The following WNT7B variants were observed in gnomAD, a reference collection of about 807,000 sequenced individuals.
WNT7B encodes Wnt family member 7B.
WNT7B carries 19 observed loss-of-function variants against 38.2 expected under a neutral mutation model. The ratio of observed to expected loss-of-function variants is 0.50; its 90% CI spans 0.35 to 0.73. The LOEUF (loss-of-function observed/expected upper bound fraction) is 0.73. Among genes scored for constraint, WNT7B ranks in the 30% least tolerant of loss-of-function variants. The pLI is 0.01. For synonymous variants in WNT7B, 243 were observed against 209.3 expected (o/e 1.16, Z -1.39); for missense variants, 423 against 507.9 (o/e 0.83, Z 1.61).
At chr22:45,938,892 A>G (rs1038341293) in intron 2 of WNT7B, among the ~76,000 whole-genome samples, 1 of 152,222 alleles carries the variant, frequency 6.6e-6, no homozygotes, top group Non-Finnish European at 1.5e-5. Context: ...AATATGTGTA[A>G]TATTACGTAT....
rs1218859782 is a variant in WNT7B, at chr22:45,976,520, T to C, written c.71+164A>G. Reference sequence around the variant, plus strand: ...CGGGAGCTCAGGGGGTTGGGCTGCGTCTCTGCTGGCGTGGGGCGAGGGTCT... The same window carrying C: ...CGGGAGCTCAGGGGGTTGGGCTGCGCCTCTGCTGGCGTGGGGCGAGGGTCT... On this transcript the variant is annotated intron_variant, in intron 1 of 3. Transcript: ENST00000339464. This position sits in a 1 kb window ranked among gnomAD's most constrained non-coding sequence, Gnocchi z 8.5. Among the ~76,000 whole-genome samples the C allele has an allele frequency of 2.0e-5, 3 of 151,566 alleles. No individual in the cohort carries two copies. Among genetic ancestry groups the C allele is most frequent in the Non-Finnish European group, 4.4e-5 (3 of 67,848 alleles).
intron 3 of WNT7B, chr22:45,926,105 C>G (rs375046373): frequency 1.0e-6 from 1 of 985,446 alleles, no homozygotes; most frequent in African/African-American, 1.7e-5. Context: ...CCTACTGGGC[C>G]GCTGCTTGCA....
At chr22:45,930,791 G>A (rs66505729) in intron 3 of WNT7B, among the ~76,000 whole-genome samples, 2 of 151,986 alleles carry the variant, frequency 1.3e-5, no homozygotes, top group Non-Finnish European at 1.5e-5. Context: ...GGGACCCTCC[G>A]CCACGGGGTC....
In WNT7B at chr22:45,976,865, G is replaced by A; in HGVS notation, c.-111C>T. 4 of 1,050,640 alleles carry A rather than the reference G, an allele frequency of 3.8e-6. No individual in the cohort carries two copies. The highest frequency in any genetic ancestry group is 4.6e-6 in the Non-Finnish European group (4 of 865,766). 65.1% of individuals were successfully genotyped at this position (1,050,640 alleles called of 1,614,324 possible). A position where few individuals can be genotyped will look rare whatever the true frequency, so the allele number is the denominator to read the frequency against. ...TGCGGGCAGACTGCGCTCAGCCCGC[G>A]CTGCGGCTCGGGCGGCCGGCGACGC... On this transcript the variant is annotated 5_prime_UTR_variant, in exon 1 of 4. Transcript: ENST00000339464. The surrounding 1 kb of genome is among the most constrained non-coding windows in gnomAD (Gnocchi z 8.5).
intron 2 of WNT7B, among the ~76,000 whole-genome samples, chr22:45,948,124 C>T (rs28635594): frequency 0.015 from 2,283 of 152,336 alleles, 67 homozygotes; most frequent in African/African-American, 0.053. Context: ...ACCTGATCGA[C>T]GCTCAGCTCC....
chr22:45,930,009 C>T (rs1416504491), intron 3 of WNT7B, among the ~76,000 whole-genome samples: 1 of 114,548 alleles, frequency 8.7e-6, no homozygotes, highest in Non-Finnish European at 1.8e-5. Flanking sequence ...TGCATGATAA[C>T]CTCCACATCT....
intron 2 of WNT7B, among the ~76,000 whole-genome samples, chr22:45,941,580 T>TG (rs1157459206): frequency 7.0e-6 from 1 of 142,290 alleles, no homozygotes; most frequent in Non-Finnish European, 1.5e-5. Flanking sequence ...GGGCAGCTGG[T>TG]GGGGGGCTGT....
chr22:45,950,516 G>A (rs947898521), intron 1 of WNT7B, among the ~76,000 whole-genome samples: 1 of 152,234 alleles, frequency 6.6e-6, no homozygotes, highest in East Asian at 1.9e-4. Context: ...ACTCGGGACT[G>A]TCTGCGCTGT....
chr22:45,950,799 C>G (rs1391859842), intron 1 of WNT7B, among the ~76,000 whole-genome samples: 1 of 152,356 alleles, frequency 6.6e-6, no homozygotes, highest in Admixed American at 6.5e-5. Flanking sequence ...GGAGAAAGCC[C>G]GCACCGGGAA....
At chr22:45,970,194 G>A (rs923232185) in intron 1 of WNT7B, among the ~76,000 whole-genome samples, 3 of 152,196 alleles carry the variant, frequency 2.0e-5, no homozygotes, top group Admixed American at 6.5e-5. Context: ...TCCTCCCTGT[G>A]GGGCAGGAGC....
chr22:45,970,655 C>T (rs1038806376), intron 1 of WNT7B, among the ~76,000 whole-genome samples: 8 of 152,226 alleles, frequency 5.3e-5, no homozygotes, highest in South Asian at 2.1e-4. Flanking sequence ...TCCCAAGCAC[C>T]GGAGCTGCCA....
chr22:45,943,116 T>C lies in WNT7B; in HGVS notation c.298+6804A>G, dbSNP rs1309400025. 5.3e-5 allele frequency among the ~76,000 whole-genome samples: 8 copies of C among 152,308 alleles called. No homozygotes were observed. The East Asian group carries it at 1.4e-3, about 26-fold the overall frequency. On this transcript the variant is annotated intron_variant, in intron 2 of 3. Transcript: ENST00000339464. ...GTGTTTGTGTGTGTGCATGTGTGTG[T>C]GTGCCAGGTGTACTGCTGTATGTCT...
At position 45,976,907 on chromosome 22, in the gene WNT7B, C is replaced by T; in HGVS notation, c.-153G>A. 9 of 994,994 alleles carry T rather than the reference C, an allele frequency of 9.0e-6. No homozygotes were observed. Among genetic ancestry groups the T allele is most frequent in the Non-Finnish European group, 9.6e-6 (8 of 836,232 alleles). The allele number at this position is 994,994 out of a possible 1,614,324, so 61.6% of individuals were successfully genotyped here. A position where few individuals can be genotyped will look rare whatever the true frequency, so the allele number is the denominator to read the frequency against. On this transcript the variant is annotated 5_prime_UTR_variant, in exon 1 of 4. Coordinates refer to ENST00000339464, the MANE Select transcript of WNT7B (RefSeq NM_058238.3). The surrounding 1 kb of genome is among the most constrained non-coding windows in gnomAD (Gnocchi z 8.5). ...CGGCGACGCGCGGGCACTCGGCGCG[C>T]GCTGCCACCATGGTGAGCCCGGGAT...
chr22:45,938,401 T>C (rs111440071), intron 2 of WNT7B, among the ~76,000 whole-genome samples: 6,986 of 147,492 alleles, frequency 0.047, 307 homozygotes, highest in African/African-American at 0.13. Context: ...CTTCGGGAGG[T>C]CGAGGCGGGT....
intron 3 of WNT7B, among the ~76,000 whole-genome samples, chr22:45,923,758 ACCCCACCCTGCCATCTCTCCCGCT>A: frequency 6.6e-6 from 1 of 151,904 alleles, no homozygotes; most frequent in Admixed American, 6.6e-5. Flanking sequence ...AATGCTCATT[ACCCCACCCTGCCATCTCTCCCGCT>A]CCCCACCCTC....
intron 2 of WNT7B, among the ~76,000 whole-genome samples, chr22:45,947,174 C>A (rs1931816674): frequency 6.6e-6 from 1 of 152,206 alleles, no homozygotes; most frequent in African/African-American, 2.4e-5. Flanking sequence ...TCAGATACGC[C>A]CGAAGCTCTG....
chr22:45,935,982 T>C, intron 2 of WNT7B: 1 of 985,182 alleles, frequency 1.0e-6, no homozygotes, highest in Non-Finnish European at 1.2e-6. Context: ...ACCCACAGCC[T>C]ACCCAAGCAC....
chr22:45,970,865 G>T lies in WNT7B; in HGVS notation c.71+5819C>A, dbSNP rs564087188. Among the ~76,000 whole-genome samples, 138 of 152,316 alleles carry T rather than the reference G, an allele frequency of 9.1e-4. 2 individuals carry two copies. The highest frequency in any genetic ancestry group is 3.2e-3 in the African/African-American group (134 of 41,586). ...GCTCAGGCGGTCCCCACCCGCATGC[G>T]CCCTGCTGCCCCGCCCCCCTCAGGC... On this transcript the variant is annotated intron_variant, in intron 1 of 3. Coordinates refer to ENST00000339464, the MANE Select transcript of WNT7B (RefSeq NM_058238.3).
chr22:45,958,001 G>A (rs934517134), intron 1 of WNT7B, among the ~76,000 whole-genome samples: 2 of 152,232 alleles, frequency 1.3e-5, no homozygotes, highest in African/African-American at 2.4e-5. Context: ...CCCACGCAGC[G>A]AGAAGGTTAA....
Sources: allele counts gnomAD v4.1 joint callset (sites outside exome capture counted in the v4.1 genomes callset), GRCh38; gene constraint gnomAD v4.1.1; non-coding constraint Gnocchi (gnomAD v3.1); transcripts MANE v1.5; gene names NCBI Gene and HGNC (gene_info 2026-07-23, HGNC 2026-07-21).